Variants in DMTF1 observed in about 807,000 individuals in gnomAD.
DMTF1 encodes the protein cyclin D binding myb like transcription factor 1, also known as cyclin-D-binding Myb-like transcription factor 1.
A neutral mutation model predicts 91.1 loss-of-function variants in DMTF1; 39 were observed. The observed-to-expected ratio is 0.43, with a 90% CI of 0.33 to 0.56. The LOEUF (loss-of-function observed/expected upper bound fraction) is 0.56, where lower values mean the gene tolerates loss of function less well. DMTF1 is among the 20% of genes least tolerant of loss of function. The pLI is 0.05. For synonymous variants in DMTF1, 338 were observed against 309.5 expected (o/e 1.09, Z -0.97); for missense variants, 750 against 914.5 (o/e 0.82, Z 2.32).
At chr7:87,161,012 C>T (rs928087579) in intron 1 of DMTF1, among the ~76,000 whole-genome samples, 5 of 151,996 alleles carry the variant, frequency 3.3e-5, no homozygotes, top group Non-Finnish European at 5.9e-5. Flanking sequence ...AGTTTGACAT[C>T]TTCATTTAGA....
chr7:87,160,361 G>A (rs1401555647), intron 1 of DMTF1, among the ~76,000 whole-genome samples: 1 of 149,382 alleles, frequency 6.7e-6, no homozygotes, highest in Non-Finnish European at 1.5e-5. Context: ...TGCAACTTCC[G>A]CCTCCTGGGT....
chr7:87,168,662 T>A (rs1371810186), intron 4 of DMTF1, among the ~76,000 whole-genome samples: 1 of 152,204 alleles, frequency 6.6e-6, no homozygotes, highest in Non-Finnish European at 1.5e-5. Flanking sequence ...AATCTGTCTT[T>A]GTCTGTTTAT....
At chr7:87,179,121 T>A (rs1008897774) in intron 7 of DMTF1, among the ~76,000 whole-genome samples, 3 of 152,092 alleles carry the variant, frequency 2.0e-5, no homozygotes, top group Admixed American at 6.5e-5. Flanking sequence ...TGTCTTTTTT[T>A]AAAATTTTGG....
chr7:87,158,534 C>G lies in DMTF1; in HGVS notation c.-131-4961C>G, dbSNP rs17149277. ...TTCTTGAGTCATCAATGAGTTAAAA[C>G]TTTAAGAGTTATAATAATTTTAGAA... On this transcript the variant is annotated intron_variant, in intron 1 of 17. Transcript: ENST00000331242. 5.8e-3 allele frequency among the ~76,000 whole-genome samples: 875 copies of G among 152,096 alleles called. 8 individuals are homozygous for G. The highest frequency in any genetic ancestry group is 0.019 in the African/African-American group (802 of 41,546).
Position 87,188,899 on chromosome 7 carries a change from G to A in DMTF1, c.1411+598G>A, listed in dbSNP as rs17766268. On this transcript the variant is annotated intron_variant, in intron 13 of 17. Transcript: ENST00000331242. Reference sequence around the variant, plus strand: ...GTCAAATTGATCTTTATCCCTTCCCGTCAGTCTTGAATTATAGTGACAAAA... The same window carrying A: ...GTCAAATTGATCTTTATCCCTTCCCATCAGTCTTGAATTATAGTGACAAAA... 9.9e-3 allele frequency among the ~76,000 whole-genome samples: 1,500 copies of A among 152,082 alleles called. 55 individuals carry two copies. The highest frequency in any genetic ancestry group is 0.072 in the East Asian group (370 of 5,174).
chr7:87,191,404 G>T (rs1799734322), intron 14 of DMTF1, among the ~76,000 whole-genome samples: 1 of 152,124 alleles, frequency 6.6e-6, no homozygotes, highest in Non-Finnish European at 1.5e-5. Context: ...AACAGTCCCA[G>T]TGCTAAGTGG....
chr7:87,182,126 C>A, intron 9 of DMTF1, 102 bp from the exon 10 acceptor site: 1 of 1,567,656 alleles, frequency 6.4e-7, no homozygotes, highest in East Asian at 2.4e-5. Flanking sequence ...CCCACAACTT[C>A]CAAACCAGTC....
intron 4 of DMTF1, among the ~76,000 whole-genome samples, chr7:87,170,418 C>A (rs550403485): frequency 5.3e-5 from 8 of 152,310 alleles, no homozygotes; most frequent in Non-Finnish European, 8.8e-5. Flanking sequence ...TTCTGGCTTA[C>A]AAGGGCTTAC....
rs1562794289 is a variant in DMTF1 at position 87,166,495 on chromosome 7, TAGACTC to T, written c.126_131del (p.Asp42_Ser43del). The T allele has an allele frequency of 3.1e-6, 5 of 1,611,540 alleles. No individual in the cohort carries two copies. Among genetic ancestry groups the T allele is most frequent in the Admixed American group, 1.7e-5 (1 of 59,270 alleles). ...TTTCTTCCATTAGAAGCGGATGAAA[TAGACTC>T]AGAAGATAGTATTGAACCTCCACAT... is the stretch of plus-strand genomic sequence containing the variant. On this transcript the variant is annotated inframe_deletion, in exon 4 of 18. Transcript: ENST00000331242.
In DMTF1 at chr7:87,184,388, T is replaced by C. The variant is rs2129159148; in HGVS notation, c.821-9T>C. Reference sequence around the variant, plus strand: ...AGCAGTGGTAGTCTGGATGATTTCCTTTTTTCAGGGAAGTGGACAGAAGAA... The same window carrying C: ...AGCAGTGGTAGTCTGGATGATTTCCCTTTTTCAGGGAAGTGGACAGAAGAA... On this transcript the variant is annotated splice_polypyrimidine_tract_variant and intron_variant, in intron 10 of 17. Coordinates refer to ENST00000331242, the MANE Select transcript of DMTF1 (RefSeq NM_001142327.2). 1 of 1,611,610 alleles carries C rather than the reference T, an allele frequency of 6.2e-7. No homozygotes were observed. The highest frequency in any genetic ancestry group is 2.2e-5 in the East Asian group (1 of 44,750).
In DMTF1 at chr7:87,168,591, G is replaced by A. The variant is rs547938516; in HGVS notation, c.232+1986G>A. Among the ~76,000 whole-genome samples, 105 of 152,164 alleles carry A rather than the reference G, an allele frequency of 6.9e-4. 2 individuals are homozygous for A. The South Asian group carries it at 0.021, about 31-fold the overall frequency. On this transcript the variant is annotated intron_variant, in intron 4 of 17. Transcript: ENST00000331242. ...TTTATGGTTAATCATTATAATCACT[G>A]TCTTGCATTCACCAAGTCCTTTTTT...
In DMTF1 at chr7:87,193,405, A is replaced by G. The variant is rs192022813; in HGVS notation, c.1650+52A>G. The G allele has an allele frequency of 2.7e-5, 43 of 1,592,384 alleles. No individual in the cohort carries two copies. The East Asian group carries it at 9.6e-4, about 36-fold the overall frequency. On this transcript the variant is annotated intron_variant, in intron 15 of 17. Transcript: ENST00000331242. The stretch of plus-strand genomic sequence containing the variant: ...TGAGTACCTGTTATAGACCAGGATT[A>G]GTTGATAAGGACCAAAATAGAAGGT...
chr7:87,189,380 G>A (rs867306903), intron 13 of DMTF1, among the ~76,000 whole-genome samples: 16 of 152,036 alleles, frequency 1.1e-4, no homozygotes, highest in African/African-American at 3.6e-4. Flanking sequence ...ATTTCTTTTC[G>A]TTTTTGTTAC....
intron 1 of DMTF1, among the ~76,000 whole-genome samples, chr7:87,160,859 A>C (rs1042864436): frequency 6.6e-5 from 10 of 151,914 alleles, no homozygotes; most frequent in African/African-American, 2.2e-4. Context: ...TGACTTCCCA[A>C]ATTTAGTGGA....
chr7:87,172,705 C>T (rs182371432), intron 5 of DMTF1, among the ~76,000 whole-genome samples: 3 of 152,346 alleles, frequency 2.0e-5, no homozygotes, highest in Non-Finnish European at 4.4e-5. Context: ...CCTTATTCTG[C>T]TTACGATAGG....
At position 87,164,946 on chromosome 7, in the gene DMTF1, G is replaced by A. The variant is rs1239220436; in HGVS notation, c.5G>A (p.Ser2Asn). The A allele has an allele frequency of 3.1e-6, 5 of 1,602,708 alleles. No homozygotes were observed. Among genetic ancestry groups the A allele is most frequent in the African/African-American group, 2.7e-5 (2 of 74,430 alleles). The change falls in exon 3 of 18, where the codon AGC becomes AAC. Residue 2 changes from serine to asparagine, a missense_variant. Ser to Asn is a conservative substitution (Grantham distance 46). Coordinates refer to ENST00000331242, the MANE Select transcript of DMTF1 (RefSeq NM_001142327.2). ...TGTTCTTGTACAGATTTGAGTATGA[G>A]CACAGTGGAAGAGGATTCTGACACA... is the stretch of plus-strand genomic sequence containing the variant. M[S>N]TVEEDSDTVT...
intron 5 of DMTF1, 108 bp downstream of exon 5, chr7:87,171,197 C>A: frequency 1.4e-6 from 1 of 703,444 alleles, no homozygotes; most frequent in African/African-American, 1.8e-5. Flanking sequence ...ACTACTGGCA[C>A]ATGCCACTGT....
chr7:87,194,162 T>C (rs748878286), intron 16 of DMTF1, 60 bp downstream of exon 16: 28 of 1,496,158 alleles, frequency 1.9e-5, no homozygotes, highest in Non-Finnish European at 2.4e-5. Flanking sequence ...AACCTGCAGT[T>C]TGGGAAACTT....
chr7:87,164,054 TAAAAAAAAAAAAAA>T (rs61634018), intron 2 of DMTF1, among the ~76,000 whole-genome samples: 4 of 73,500 alleles, frequency 5.4e-5, no homozygotes, highest in Non-Finnish European at 1.0e-4. Flanking sequence ...ACGCCTTCTC[TAAAAAAAAAAAAAA>T]AAAAAAAAAA....
Sources: allele counts gnomAD v4.1 joint callset (sites outside exome capture counted in the v4.1 genomes callset), GRCh38; gene constraint gnomAD v4.1.1; transcripts MANE v1.5; gene names NCBI Gene and HGNC (gene_info 2026-07-23, HGNC 2026-07-21).